UGT1A10: variants seen among roughly 807,000 people sequenced by gnomAD.
UGT1A10 encodes the protein UDP-glucuronosyltransferase 1A10.
A neutral mutation model predicts 45.8 loss-of-function variants in UGT1A10; 49 were observed. The observed-to-expected ratio is 1.07, with a 90% CI of 0.85 to 1.36. The LOEUF (loss-of-function observed/expected upper bound fraction) is 1.36, where lower values mean the gene tolerates loss of function less well. Among genes scored for constraint, UGT1A10 ranks in the 40% most tolerant of loss-of-function variants. The probability of loss-of-function intolerance (pLI) is 0.00; values close to 1 mark genes in which losing one functional copy is unlikely to be tolerated. For missense variants in UGT1A10, 745 were observed against 668.6 expected, an observed-to-expected ratio of 1.11 and a Z score of -1.26; for synonymous variants, 284 against 249.7, an observed-to-expected ratio of 1.14 and a Z score of -1.29.
chr2:233,686,291 A>T (rs994683738), intron 1 of UGT1A10, among the ~76,000 whole-genome samples: 1 of 152,170 alleles, frequency 6.6e-6, no homozygotes, highest in South Asian at 2.1e-4. Context: ...AACTAAAACA[A>T]GAAAAACAAG....
At chr2:233,724,244 G>T (rs2077194489) in intron 1 of UGT1A10, among the ~76,000 whole-genome samples, 1 of 128,230 alleles carries the variant, frequency 7.8e-6, no homozygotes, top group East Asian at 2.4e-4. Context: ...GCCGGGCAGA[G>T]GCGCCCCTCA....
At chr2:233,735,055 G>A (rs1012259706) in intron 1 of UGT1A10, among the ~76,000 whole-genome samples, 1 of 152,132 alleles carries the variant, frequency 6.6e-6, no homozygotes, top group Non-Finnish European at 1.5e-5. Context: ...CTGAGTTCAG[G>A]TCCTGGATAT....
chr2:233,659,655 G>A (rs570653678), intron 1 of UGT1A10, among the ~76,000 whole-genome samples: 5 of 152,120 alleles, frequency 3.3e-5, no homozygotes, highest in Admixed American at 6.5e-5. Context: ...AGAGGCAGGC[G>A]CACTCGATTT....
At chr2:233,726,556 C>T (rs1390760024) in intron 1 of UGT1A10, among the ~76,000 whole-genome samples, 1 of 152,180 alleles carries the variant, frequency 6.6e-6, no homozygotes, top group Non-Finnish European at 1.5e-5. Flanking sequence ...CTTCAAGTCT[C>T]CCACTCTTAC....
chr2:233,654,583 A>T (rs964968851), intron 1 of UGT1A10, among the ~76,000 whole-genome samples: 1 of 152,228 alleles, frequency 6.6e-6, no homozygotes, highest in African/African-American at 2.4e-5. Flanking sequence ...ATGAAAAGCT[A>T]GAAAGTGAAA....
chr2:233,754,991 G>C (rs1247616121), intron 1 of UGT1A10: 1 of 1,294,814 alleles, frequency 7.7e-7, no homozygotes, highest in African/African-American at 1.5e-5. Context: ...CGGGGTCACG[G>C]AAGCTGAAGA....
intron 1 of UGT1A10, among the ~76,000 whole-genome samples, chr2:233,722,817 G>T (rs1300822952): frequency 6.1e-5 from 9 of 147,334 alleles, no homozygotes; most frequent in African/African-American, 2.0e-4. Flanking sequence ...ATTTTTTCAA[G>T]TTATTTTGTA....
intron 1 of UGT1A10, among the ~76,000 whole-genome samples, chr2:233,744,790 T>C (rs989648069): frequency 6.6e-5 from 10 of 152,048 alleles, no homozygotes; most frequent in Admixed American, 2.6e-4. Flanking sequence ...TGAAAAATTC[T>C]TGGGGATCCC....
At chr2:233,651,793 C>A (rs2073747896) in intron 1 of UGT1A10, among the ~76,000 whole-genome samples, 1 of 152,050 alleles carries the variant, frequency 6.6e-6, no homozygotes, top group Non-Finnish European at 1.5e-5. Context: ...CTGTGTGTGT[C>A]CACGCGTGTT....
At chr2:233,651,823 A>C in intron 1 of UGT1A10, among the ~76,000 whole-genome samples, 1 of 152,194 alleles carries the variant, frequency 6.6e-6, no homozygotes, top group East Asian at 1.9e-4. Context: ...GCATGCACAC[A>C]TGTGTCAGCA....
chr2:233,690,380 C>A, intron 1 of UGT1A10: 1 of 988,558 alleles, frequency 1.0e-6, no homozygotes, highest in Non-Finnish European at 1.4e-6. Flanking sequence ...ATAGGGTCCA[C>A]GTTTCCAGAC....
At position 233,648,213 on chromosome 2, in the gene UGT1A10, G is replaced by A. The variant is rs760476386; in HGVS notation, c.855+10836G>A. The stretch of plus-strand genomic sequence containing the variant: ...TTAATTTTTCACATTGCAGGAGTTT[G>A]TTTAATGACTGAAAATTAGTAGAAT... On this transcript the variant is annotated intron_variant, in intron 1 of 4. Transcript: ENST00000344644. 7.3e-4 allele frequency: 487 copies of A among 669,672 alleles called. 1 individual carries two copies. The highest frequency in any genetic ancestry group is 1.9e-3 in the Admixed American group (74 of 39,382). 41.5% of individuals were successfully genotyped at this position (669,672 alleles called of 1,614,324 possible). A position where few individuals can be genotyped will look rare whatever the true frequency, so the allele number is the denominator to read the frequency against.
intron 1 of UGT1A10, among the ~76,000 whole-genome samples, chr2:233,748,714 G>C (rs1019061059): frequency 6.6e-6 from 1 of 151,630 alleles, no homozygotes; most frequent in Non-Finnish European, 1.5e-5. Flanking sequence ...TTGGGGTCTG[G>C]TGCATGATGT....
intron 1 of UGT1A10, among the ~76,000 whole-genome samples, chr2:233,655,128 TAAAG>T (rs912388758): frequency 2.0e-5 from 3 of 151,942 alleles, no homozygotes; most frequent in East Asian, 1.9e-4. Context: ...AACAGAATAC[TAAAG>T]AAAGAAAGAA....
rs1399932321 is a variant in UGT1A10, at chr2:233,747,632, C to A, written c.856-19402C>A. 22 of 1,580,286 alleles carry A rather than the reference C, an allele frequency of 1.4e-5. No homozygotes were observed. In the Admixed American group the frequency reaches 1.8e-4, roughly 13 times the overall value. On this transcript the variant is annotated intron_variant, in intron 1 of 4. Transcript: ENST00000344644. ...TGCATAATGAGGCCCTGATCAGGCA[C>A]CTGAATGCTACTTCCTTCGATGTGG...
intron 1 of UGT1A10, among the ~76,000 whole-genome samples, chr2:233,766,257 AGTGGCCCGGGCTCG>A (rs36213637): frequency 0.33 from 50,708 of 151,412 alleles, 8,925 homozygotes; most frequent in African/African-American, 0.42. Context: ...CAGACCGCTC[AGTGGCCCGGGCTCG>A]GTGGCCCGGG....
intron 1 of UGT1A10, among the ~76,000 whole-genome samples, chr2:233,709,459 C>T (rs2076078032): frequency 6.6e-6 from 1 of 152,164 alleles, no homozygotes; most frequent in African/African-American, 2.4e-5. Flanking sequence ...TTAAAGCAAT[C>T]ATTTTGGGGC....
At chr2:233,681,814 T>C (rs997842698) in intron 1 of UGT1A10, 48 of 1,499,374 alleles carry the variant, frequency 3.2e-5, no homozygotes, top group Non-Finnish European at 3.8e-5. Flanking sequence ...AATGTGAATT[T>C]TTTTTTAAAT....
intron 1 of UGT1A10, among the ~76,000 whole-genome samples, chr2:233,757,259 G>T (rs1043917928): frequency 2.0e-5 from 3 of 146,774 alleles, no homozygotes; most frequent in African/African-American, 7.6e-5. Context: ...TTATTCAGGT[G>T]GCAGCCGATG....
Sources: gnomAD v4.1 joint callset for allele counts (sites outside exome capture counted in the v4.1 genomes callset) on GRCh38, gnomAD v4.1.1 for gene constraint, MANE v1.5 for transcripts, NCBI Gene and HGNC (gene_info 2026-07-23, HGNC 2026-07-21) for gene names.